The following GNG4 variants were observed in gnomAD, a reference collection of about 807,000 sequenced individuals.
The protein encoded by GNG4 is guanine nucleotide-binding protein G(I)/G(S)/G(O) subunit gamma-4.
Under a neutral mutation model 5.8 loss-of-function variants are expected in GNG4, and 4 were observed. The ratio of observed to expected loss-of-function variants is 0.69; its 90% CI spans 0.34 to 1.57. The LOEUF is 1.57. GNG4 is among the 40% of genes most tolerant of loss of function. The pLI is 0.06. For missense variants in GNG4, 96 were observed against 95.1 expected (o/e 1.01, Z -0.04); for synonymous variants, 29 against 32.9 (o/e 0.88, Z 0.41).
chr1:235,572,699 C>T (rs968966001), intron 3 of GNG4, among the ~76,000 whole-genome samples: 5 of 151,544 alleles, frequency 3.3e-5, no homozygotes, highest in African/African-American at 1.2e-4. Flanking sequence ...AGGGTTTCGC[C>T]ATGTTTCCCA....
intron 2 of GNG4, among the ~76,000 whole-genome samples, chr1:235,587,146 G>A (rs1040256090): frequency 6.6e-6 from 1 of 151,000 alleles, no homozygotes; most frequent in African/African-American, 2.4e-5. Context: ...GTGTGTGAAA[G>A]TGTGGGGTGG....
In GNG4 at chr1:235,552,029, T is replaced by A; in HGVS notation, c.*80A>T. The A allele has an allele frequency of 7.7e-7, 1 of 1,306,908 alleles. No homozygotes were observed. The highest frequency in any genetic ancestry group is 1.3e-5 in the South Asian group (1 of 79,662). The allele number at this position is 1,306,908 out of a possible 1,614,324, so 81.0% of individuals were successfully genotyped here. ...GGGCAGGGATGGGTGTTGGTCTCAC[T>A]CCCTAAGGCTTAGAGCATGCATGGT... On this transcript the variant is annotated 3_prime_UTR_variant, in exon 4 of 4. Transcript: ENST00000391854.
At chr1:235,630,801 C>T (rs1162242916) in intron 1 of GNG4, among the ~76,000 whole-genome samples, 1 of 152,126 alleles carries the variant, frequency 6.6e-6, no homozygotes, top group Non-Finnish European at 1.5e-5. Context: ...GGCTGTTTTG[C>T]CTAGGATTCT....
At chr1:235,606,241 G>A (rs1209830144) in intron 1 of GNG4, among the ~76,000 whole-genome samples, 2 of 152,096 alleles carry the variant, frequency 1.3e-5, no homozygotes, top group Admixed American at 6.6e-5. Flanking sequence ...AATTAGCCAG[G>A]CATGGTGGCA....
chr1:235,642,048 TAGCCCTAG>T lies in GNG4; in HGVS notation c.-123+7606_-123+7613del, dbSNP rs1480901207. ...TCCCCCGCAACTGCCTGCGTTTTCG[TAGCCCTAG>T]AGCTTCCAACGTACAGTGCGGAAAA... On this transcript the variant is annotated intron_variant, in intron 1 of 3. Transcript: ENST00000391854. This position sits in a 1 kb window ranked among gnomAD's most constrained non-coding sequence, Gnocchi z 4.3. 1.3e-5 allele frequency among the ~76,000 whole-genome samples: 2 copies of T among 152,250 alleles called. No homozygotes were observed. Among genetic ancestry groups the T allele is most frequent in the East Asian group, 3.8e-4 (2 of 5,206 alleles).
intron 1 of GNG4, among the ~76,000 whole-genome samples, chr1:235,609,551 CTT>C (rs1197029698): frequency 5.3e-5 from 8 of 152,022 alleles, no homozygotes; most frequent in Non-Finnish European, 1.0e-4. Flanking sequence ...AAAAAAAAGT[CTT>C]AACATTAAAT....
At chr1:235,581,169 G>C (rs1217978078) in intron 3 of GNG4, among the ~76,000 whole-genome samples, 1 of 152,156 alleles carries the variant, frequency 6.6e-6, no homozygotes, top group Non-Finnish European at 1.5e-5. Context: ...CTGGTGGGAA[G>C]TGATTGGACA....
At chr1:235,554,188 C>T (rs1686832997) in intron 3 of GNG4, among the ~76,000 whole-genome samples, 1 of 152,182 alleles carries the variant, frequency 6.6e-6, no homozygotes, top group Non-Finnish European at 1.5e-5. Flanking sequence ...CAACTCAAAG[C>T]CGGTGGACTT....
chr1:235,643,217 C>T (rs984415335), intron 1 of GNG4, among the ~76,000 whole-genome samples: 7 of 152,304 alleles, frequency 4.6e-5, no homozygotes, highest in Non-Finnish European at 8.8e-5. Flanking sequence ...CTTCACACCC[C>T]GGCTCTGAGC....
intron 1 of GNG4, among the ~76,000 whole-genome samples, chr1:235,630,802 C>G (rs998167803): frequency 6.6e-6 from 1 of 152,138 alleles, no homozygotes; most frequent in Admixed American, 6.6e-5. Flanking sequence ...GCTGTTTTGC[C>G]TAGGATTCTG....
chr1:235,601,200 T>C (rs1017561984), intron 1 of GNG4, among the ~76,000 whole-genome samples: 7 of 152,198 alleles, frequency 4.6e-5, no homozygotes, highest in Non-Finnish European at 7.3e-5. Context: ...TGGGATAGGC[T>C]GGTGGGCTGA....
intron 1 of GNG4, among the ~76,000 whole-genome samples, chr1:235,647,447 TA>T (rs10713673): frequency 0.69 from 104,528 of 151,940 alleles, 36,608 homozygotes; most frequent in African/African-American, 0.78. Flanking sequence ...GATAGTGAAA[TA>T]AGTGAGATGC....
intron 1 of GNG4, among the ~76,000 whole-genome samples, chr1:235,609,137 T>C (rs550664325): frequency 1.3e-5 from 2 of 152,274 alleles, no homozygotes; most frequent in East Asian, 3.9e-4. Flanking sequence ...CTGGCCAGCT[T>C]TTTTCACTTA....
intron 3 of GNG4, among the ~76,000 whole-genome samples, chr1:235,560,925 T>C (rs1157758150): frequency 6.6e-6 from 1 of 152,228 alleles, no homozygotes; most frequent in African/African-American, 2.4e-5. Flanking sequence ...TGTAATTCTC[T>C]AGTGACATGA....
intron 1 of GNG4, among the ~76,000 whole-genome samples, chr1:235,604,317 C>G (rs1472189358): frequency 6.6e-6 from 1 of 152,184 alleles, no homozygotes; most frequent in Non-Finnish European, 1.5e-5. Context: ...ACACGGGGGA[C>G]GAAAAGGTAG....
intron 1 of GNG4, among the ~76,000 whole-genome samples, chr1:235,646,373 G>A (rs761072299): frequency 6.6e-6 from 1 of 152,130 alleles, no homozygotes. Flanking sequence ...CACCAAACCC[G>A]CTGCCAGAAC....
At chr1:235,560,069 A>G (rs1687018939) in intron 3 of GNG4, among the ~76,000 whole-genome samples, 1 of 152,228 alleles carries the variant, frequency 6.6e-6, no homozygotes, top group Non-Finnish European at 1.5e-5. Context: ...AAATTTCCAA[A>G]AAGAAATCCA....
rs1431641827 is a variant in GNG4 at position 235,549,336 on chromosome 1, AGAG to A, written c.*2770_*2772del. The A allele has an allele frequency of 6.6e-6, 1 of 152,392 alleles. No individual in the cohort carries two copies. The highest frequency in any genetic ancestry group is 2.4e-5 in the African/African-American group (1 of 41,442). The allele number at this position is 152,392 out of a possible 1,614,324, so 9.4% of individuals were successfully genotyped here. A position where few individuals can be genotyped will look rare whatever the true frequency, so the allele number is the denominator to read the frequency against. ...CATCTCACAGGGGAAGGTAAGGAAG[AGAG>A]GAGGAAAAGGAAAAGGAGAGAGAAC... is the stretch of plus-strand genomic sequence containing the variant. On this transcript the variant is annotated 3_prime_UTR_variant, in exon 4 of 4. Coordinates refer to ENST00000391854, the MANE Select transcript of GNG4 (RefSeq NM_001098722.2).
chr1:235,584,231 C>T (rs114954152), intron 2 of GNG4, among the ~76,000 whole-genome samples: 2,317 of 152,270 alleles, frequency 0.015, 53 homozygotes, highest in African/African-American at 0.049. Flanking sequence ...ATTGCTCTAG[C>T]AGCCCATACA....
Sources: gnomAD v4.1 joint callset for allele counts (sites outside exome capture counted in the v4.1 genomes callset) on GRCh38, gnomAD v4.1.1 for gene constraint, Gnocchi (gnomAD v3.1) non-coding constraint, MANE v1.5 for transcripts, NCBI Gene and HGNC (gene_info 2026-07-23, HGNC 2026-07-21) for gene names.